SAMD12: variants seen among roughly 807,000 people sequenced by gnomAD.
The protein encoded by SAMD12 is sterile alpha motif domain containing 12.
SAMD12 carries 9 observed loss-of-function variants against 15.0 expected under a neutral mutation model. The ratio of observed to expected loss-of-function variants is 0.60; its 90% CI spans 0.36 to 1.05. SAMD12 has a LOEUF of 1.05. SAMD12 is among the 50% of genes least tolerant of loss of function. SAMD12 has a pLI of 0.01. For synonymous variants in SAMD12, 86 were observed against 90.1 expected, an observed-to-expected ratio of 0.96 and a Z score of 0.25; for missense variants, 230 against 234.2, an observed-to-expected ratio of 0.98 and a Z score of 0.12.
chr8:118,165,616 A>G, the SAMD12 span, among the ~76,000 whole-genome samples: 356 of 4,106 alleles, frequency 0.087, 3 homozygotes, highest in Middle Eastern at 0.5. Context: ...ATATATATGT[A>G]TATATATATA....
intron 4 of SAMD12, among the ~76,000 whole-genome samples, chr8:118,323,658 A>T (rs947099092): frequency 1.3e-5 from 2 of 152,094 alleles, no homozygotes; most frequent in Non-Finnish European, 2.9e-5. Flanking sequence ...AGTCCCAGCT[A>T]CTCAAGAGGC....
At chr8:118,374,309 G>A (rs1026745457), downstream of SAMD12, among the ~76,000 whole-genome samples, 10 of 151,932 alleles carry the variant, frequency 6.6e-5, no homozygotes, top group Admixed American at 6.6e-4. Flanking sequence ...GCATGTGGTC[G>A]GATTTCCTTC....
intron 4 of SAMD12, among the ~76,000 whole-genome samples, chr8:118,322,542 T>C (rs1816337523): frequency 6.6e-6 from 1 of 152,210 alleles, no homozygotes; most frequent in South Asian, 2.1e-4. Flanking sequence ...CATTAAAATG[T>C]TTACAAGACA....
At chr8:118,491,318 T>C (rs1349882494) in intron 2 of SAMD12, among the ~76,000 whole-genome samples, 1 of 152,222 alleles carries the variant, frequency 6.6e-6, no homozygotes, top group Non-Finnish European at 1.5e-5. Context: ...CCTTTAGGTG[T>C]TTCTCCTCGC....
At chr8:118,517,459 G>A (rs981459365) in intron 2 of SAMD12, among the ~76,000 whole-genome samples, 1 of 152,186 alleles carries the variant, frequency 6.6e-6, no homozygotes, top group African/African-American at 2.4e-5. Flanking sequence ...TCTAACAATA[G>A]TTCTTGGTAC....
At chr8:118,428,238 C>A (rs886877678) in intron 3 of SAMD12, among the ~76,000 whole-genome samples, 1 of 152,036 alleles carries the variant, frequency 6.6e-6, no homozygotes, top group African/African-American at 2.4e-5. Flanking sequence ...TTGATGGATT[C>A]TTAGAAAAGC....
At chr8:118,172,705 A>C in the SAMD12 span, among the ~76,000 whole-genome samples, 3 of 152,188 alleles carry the variant, frequency 2.0e-5, no homozygotes, top group African/African-American at 4.8e-5. Context: ...AGAGTAATAA[A>C]TATATCCATC....
In SAMD12 at chr8:118,383,243, A is replaced by G. The variant is rs553305269; in HGVS notation, c.323-3543T>C. ...CTGGGTACAGTGATGAACACAGCAG[A>G]CAGGGTCACTTTTGAAGCCTTCAGG... On this transcript the variant is annotated intron_variant, in intron 3 of 3. Coordinates refer to ENST00000314727, the MANE Select transcript of SAMD12 (RefSeq NM_207506.3). Among the ~76,000 whole-genome samples the G allele has an allele frequency of 3.3e-5, 5 of 152,306 alleles. No homozygotes were observed. The South Asian group carries it at 8.3e-4, about 25-fold the overall frequency.
chr8:118,584,076 A>C (rs1285809327), intron 1 of SAMD12, among the ~76,000 whole-genome samples: 1 of 152,232 alleles, frequency 6.6e-6, no homozygotes, highest in African/African-American at 2.4e-5. Flanking sequence ...CTTGGCATTC[A>C]AAATGTAAGG....
At chr8:118,264,226 T>A (rs2130077787) in intron 4 of SAMD12, among the ~76,000 whole-genome samples, 1 of 152,222 alleles carries the variant, frequency 6.6e-6, no homozygotes, top group East Asian at 1.9e-4. Flanking sequence ...GTTTATGTAG[T>A]ACAAATACTC....
chr8:118,522,637 T>C (rs1003872471), intron 2 of SAMD12, among the ~76,000 whole-genome samples: 3 of 152,216 alleles, frequency 2.0e-5, no homozygotes, highest in Admixed American at 6.5e-5. Flanking sequence ...TCCAGTTTAA[T>C]TGTAAACCTT....
chr8:118,513,823 C>G lies in SAMD12; in HGVS notation c.192+66892G>C, dbSNP rs140433605. On this transcript the variant is annotated intron_variant, in intron 2 of 3. Coordinates refer to ENST00000314727, the MANE Select transcript of SAMD12 (RefSeq NM_207506.3). ...AAGCTTGACTATCAACAGCAAATGA[C>G]ACTTGCCCTCAGTTTTGGGGGAAAA... 3.9e-4 allele frequency among the ~76,000 whole-genome samples: 60 copies of G among 152,290 alleles called. No individual in the cohort carries two copies. The East Asian group carries it at 0.011, about 27-fold the overall frequency.
chr8:118,229,440 T>C (rs1463549272), intron 4 of SAMD12, among the ~76,000 whole-genome samples: 1 of 152,156 alleles, frequency 6.6e-6, no homozygotes, highest in African/African-American at 2.4e-5. Context: ...CTGACTTATT[T>C]ACATGCTCCC....
At chr8:118,150,444 A>T in the SAMD12 span, among the ~76,000 whole-genome samples, 1 of 152,096 alleles carries the variant, frequency 6.6e-6, no homozygotes, top group African/African-American at 2.4e-5. Context: ...GTAGTGGTAC[A>T]GTCACATCTC....
chr8:118,318,163 G>A (rs1296003389), intron 4 of SAMD12, among the ~76,000 whole-genome samples: 2 of 151,538 alleles, frequency 1.3e-5, no homozygotes, highest in Non-Finnish European at 2.9e-5. Context: ...AACTAAAAGT[G>A]GATATACCAT....
chr8:118,613,268 G>A (rs1828151966), intron 1 of SAMD12, among the ~76,000 whole-genome samples: 1 of 152,100 alleles, frequency 6.6e-6, no homozygotes. Context: ...GAGAAAGGAA[G>A]AAAAGGAATA....
At chr8:118,182,679 G>T in the SAMD12 span, among the ~76,000 whole-genome samples, 1 of 152,024 alleles carries the variant, frequency 6.6e-6, no homozygotes, top group African/African-American at 2.4e-5. Context: ...GAGGGCACTG[G>T]GTATTTACTT....
intron 1 of SAMD12, among the ~76,000 whole-genome samples, chr8:118,599,151 C>G (rs554541245): frequency 6.6e-6 from 1 of 152,296 alleles, no homozygotes; most frequent in Admixed American, 6.5e-5. Flanking sequence ...ACAGAAGCAC[C>G]CACCTAATTC....
At chr8:118,393,296 A>G (rs1459685974) in intron 3 of SAMD12, among the ~76,000 whole-genome samples, 1 of 152,082 alleles carries the variant, frequency 6.6e-6, no homozygotes, top group Non-Finnish European at 1.5e-5. Context: ...CACCACGGCA[A>G]TCTTCCTACC....
Sources: gnomAD v4.1 joint callset for allele counts (sites outside exome capture counted in the v4.1 genomes callset) on GRCh38, gnomAD v4.1.1 for gene constraint, MANE v1.5 for transcripts, NCBI Gene and HGNC (gene_info 2026-07-23, HGNC 2026-07-21) for gene names.